Variants in TRAPPC10 observed in about 807,000 individuals in gnomAD.
The protein encoded by TRAPPC10 is trafficking protein particle complex subunit 10, also known as TRAPP 130 kDa subunit.
A neutral mutation model predicts 125.5 loss-of-function variants in TRAPPC10; 23 were observed. The observed-to-expected ratio is 0.18, with a 90% CI of 0.13 to 0.26. TRAPPC10 has a LOEUF of 0.26. TRAPPC10 is among the 10% of genes least tolerant of loss of function. The pLI is 1.00. For missense variants in TRAPPC10, 1,123 were observed against 1,308.4 expected, an observed-to-expected ratio of 0.86 and a Z score of 2.19; for synonymous variants, 509 against 518.0, an observed-to-expected ratio of 0.98 and a Z score of 0.24.
chr21:44,085,941 C>CA lies in TRAPPC10; in HGVS notation c.2381-860dup, dbSNP rs143925309. Among the ~76,000 whole-genome samples, 317 of 152,328 alleles carry CA rather than the reference C, an allele frequency of 2.1e-3. 9 individuals carry two copies. The East Asian group carries it at 0.053, about 26-fold the overall frequency. ...CTGTTTCTTCTACGTGGAAAAAAAT[C>CA]ACAAAGGGCATTTTTCTGTTATTCC... On this transcript the variant is annotated intron_variant, in intron 15 of 22. Coordinates refer to ENST00000291574, the MANE Select transcript of TRAPPC10 (RefSeq NM_003274.5).
At chr21:44,047,906 C>T (rs978769476) in intron 3 of TRAPPC10, among the ~76,000 whole-genome samples, 3 of 152,184 alleles carry the variant, frequency 2.0e-5, no homozygotes, top group Admixed American at 6.5e-5. Flanking sequence ...TGTGTCATTA[C>T]TGGGGCTATT....
Position 44,086,839 on chromosome 21 carries a change from C to T in TRAPPC10, c.2418C>T (p.Phe806=). ...CAGGCATTCCTCAGAGAGTCAAGTTCACTGTCACTACCGGCCATTATACGA... is the reference window on the plus strand; with the variant it reads ...CAGGCATTCCTCAGAGAGTCAAGTTTACTGTCACTACCGGCCATTATACGA... ...LLAGIPQRVK[F]TVTTGHYTIK... Residue 806 remains phenylalanine (F), a synonymous_variant, in exon 16 of 23, where the codon TTC becomes TTT. Coordinates refer to ENST00000291574, the MANE Select transcript of TRAPPC10 (RefSeq NM_003274.5). 6.2e-7 allele frequency: 1 copy of T among 1,614,184 alleles called. No homozygotes were observed. Among genetic ancestry groups the T allele is most frequent in the South Asian group, 1.1e-5 (1 of 91,082 alleles).
chr21:44,019,770 C>T (rs1281252917), intron 1 of TRAPPC10, among the ~76,000 whole-genome samples: 1 of 152,180 alleles, frequency 6.6e-6, no homozygotes, highest in Non-Finnish European at 1.5e-5. Context: ...TGCCACCTGC[C>T]GCACCACTGT....
At position 44,084,176 on chromosome 21, in the gene TRAPPC10, G is replaced by T; in HGVS notation, c.2293G>T (p.Val765Leu). ...LRQLCASVGS[V>L]WFVLPHIYPI... ...GCAGCTGTGCGCCTCGGTGGGCTCC[G>T]TGTGGTTCGTCCTCCCTCACATCTA... Residue 765 changes from valine (V) to leucine (L), a missense_variant, in exon 15 of 23, where the codon GTG becomes TTG. Coordinates refer to ENST00000291574, the MANE Select transcript of TRAPPC10 (RefSeq NM_003274.5). 1 of 1,614,218 alleles carries T rather than the reference G, an allele frequency of 6.2e-7. No individual in the cohort carries two copies. Among genetic ancestry groups the T allele is most frequent in the Non-Finnish European group, 8.5e-7 (1 of 1,180,046 alleles).
intron 1 of TRAPPC10, among the ~76,000 whole-genome samples, chr21:44,020,194 T>C (rs867992662): frequency 6.6e-6 from 1 of 151,554 alleles, no homozygotes. Context: ...GATCTCGGCT[T>C]ACTGCAAGCT....
chr21:44,039,885 G>A (rs552671171), intron 3 of TRAPPC10, among the ~76,000 whole-genome samples: 13 of 152,202 alleles, frequency 8.5e-5, no homozygotes, highest in South Asian at 6.2e-4. Flanking sequence ...AAGAAATCAC[G>A]AACTGATACT....
At position 44,036,062 on chromosome 21, in the gene TRAPPC10, G is replaced by A. The variant is rs115390170; in HGVS notation, c.150-1730G>A. ...ACCTGAGGGGCTTTTCAGAAGGAAA[G>A]TGGAGGGAACAGAGGACAGGTGACA... On this transcript the variant is annotated intron_variant, in intron 2 of 22. Transcript: ENST00000291574. Among the ~76,000 whole-genome samples, 425 of 152,286 alleles carry A rather than the reference G, an allele frequency of 2.8e-3. 2 individuals are homozygous for A. Among genetic ancestry groups the A allele is most frequent in the African/African-American group, 0.01 (416 of 41,532 alleles).
At chr21:44,041,364 T>G (rs1038823524) in intron 3 of TRAPPC10, among the ~76,000 whole-genome samples, 6 of 152,160 alleles carry the variant, frequency 3.9e-5, no homozygotes, top group African/African-American at 1.2e-4. Context: ...TTGAGGTATA[T>G]TAAGTGGTCT....
intron 7 of TRAPPC10, 30 bp from the exon 8 acceptor site, chr21:44,074,294 C>T (rs2037110483): frequency 6.2e-7 from 1 of 1,612,554 alleles, no homozygotes; most frequent in African/African-American, 1.3e-5. Flanking sequence ...CCGGAGCACC[C>T]CTCACACGTT....
At chr21:44,033,514 A>G (rs1031668530) in intron 2 of TRAPPC10, among the ~76,000 whole-genome samples, 11 of 151,668 alleles carry the variant, frequency 7.3e-5, no homozygotes, top group South Asian at 2.1e-4. Flanking sequence ...AGATAAAGGG[A>G]AAAAAAAAGT....
At position 44,092,026 on chromosome 21, in the gene TRAPPC10, C is replaced by T. The variant is rs1230036183; in HGVS notation, c.2974C>T (p.Pro992Ser). ...TGDSTDLQLV[P>S]LNTQSQQPIY... ...TGATAGTACCGACCTGCAACTAGTA[C>T]CACTGAACACGCAGTCCCAGCAGGT... Residue 992 changes from proline to serine, a missense_variant, in exon 19 of 23, where the codon CCA becomes TCA. Pro to Ser is a moderately conservative substitution (Grantham distance 74). Transcript: ENST00000291574. 6.2e-7 allele frequency: 1 copy of T among 1,614,160 alleles called. No individual in the cohort carries two copies. Among genetic ancestry groups the T allele is most frequent in the African/African-American group, 1.3e-5 (1 of 75,044 alleles).
At position 44,087,640 on chromosome 21, in the gene TRAPPC10, GA is replaced by G; in HGVS notation, c.2540-55del. 6.6e-7 allele frequency: 1 copy of G among 1,512,766 alleles called. No individual in the cohort carries two copies. The highest frequency in any genetic ancestry group is 9.1e-7 in the Non-Finnish European group (1 of 1,099,346). 93.7% of individuals were successfully genotyped at this position (1,512,766 alleles called of 1,614,324 possible). A position where few individuals can be genotyped will look rare whatever the true frequency, so the allele number is the denominator to read the frequency against. On this transcript the variant is annotated intron_variant, in intron 16 of 22. Transcript: ENST00000291574. The surrounding 1 kb of genome is among the most constrained non-coding windows in gnomAD (Gnocchi z 4.6). ...CTGCTGGGCCATCACCTGCTGTAAGGAAAAGGACAAGTGAAACCGAGGGAAC... is the reference window on the plus strand; with the variant it reads ...CTGCTGGGCCATCACCTGCTGTAAGGAAAGGACAAGTGAAACCGAGGGAAC...
At chr21:44,086,745 C>T in intron 15 of TRAPPC10, 57 bp from the exon 16 acceptor site, 1 of 1,595,484 alleles carries the variant, frequency 6.3e-7, no homozygotes, top group Non-Finnish European at 8.6e-7. Flanking sequence ...ATTGCGGGCC[C>T]TGAGATGCTG....
intron 3 of TRAPPC10, among the ~76,000 whole-genome samples, chr21:44,050,550 G>C (rs1266250640): frequency 6.6e-6 from 1 of 152,176 alleles, no homozygotes; most frequent in Non-Finnish European, 1.5e-5. Flanking sequence ...CAGGCTCTGG[G>C]CCCTGTTGGC....
chr21:44,036,727 A>G (rs1181335576), intron 2 of TRAPPC10, among the ~76,000 whole-genome samples: 1 of 152,252 alleles, frequency 6.6e-6, no homozygotes, highest in African/African-American at 2.4e-5. Context: ...TGCCAGCAAC[A>G]TGACATGTTT....
intron 3 of TRAPPC10, among the ~76,000 whole-genome samples, chr21:44,048,867 G>T (rs1204869241): frequency 1.3e-5 from 2 of 149,434 alleles, no homozygotes; most frequent in African/African-American, 5.0e-5. Flanking sequence ...CTTCATCTTG[G>T]CTAGAAGCAG....
At chr21:44,048,217 C>T (rs1218733146) in intron 3 of TRAPPC10, among the ~76,000 whole-genome samples, 2 of 152,184 alleles carry the variant, frequency 1.3e-5, no homozygotes, top group East Asian at 3.9e-4. Flanking sequence ...CTCACCATGT[C>T]CCTCTCCTCT....
At chr21:44,064,585 C>T (rs569954188) in intron 7 of TRAPPC10, among the ~76,000 whole-genome samples, 39 of 152,256 alleles carry the variant, frequency 2.6e-4, no homozygotes, top group African/African-American at 9.1e-4. Context: ...TTAAGATCTC[C>T]TGAGTGAGTG....
At chr21:44,052,782 G>C (rs1328024068) in intron 4 of TRAPPC10, among the ~76,000 whole-genome samples, 4 of 152,016 alleles carry the variant, frequency 2.6e-5, no homozygotes, top group African/African-American at 9.7e-5. Flanking sequence ...TGTAGAACGG[G>C]TCCTTAAAGG....
Sources: allele counts gnomAD v4.1 joint callset (sites outside exome capture counted in the v4.1 genomes callset), GRCh38; gene constraint gnomAD v4.1.1; non-coding constraint Gnocchi (gnomAD v3.1); transcripts MANE v1.5; gene names NCBI Gene and HGNC (gene_info 2026-07-23, HGNC 2026-07-21).